KIAA0825: variants seen among roughly 807,000 people sequenced by gnomAD.
KIAA0825 encodes uncharacterized protein KIAA0825.
Under a neutral mutation model 147.6 loss-of-function variants are expected in KIAA0825, and 119 were observed. The ratio of observed to expected loss-of-function variants is 0.81; its 90% CI spans 0.69 to 0.94. KIAA0825 has a LOEUF of 0.94. KIAA0825 is among the 40% of genes least tolerant of loss of function. KIAA0825 has a pLI of 0.00. For synonymous variants in KIAA0825, 470 were observed against 518.1 expected, an observed-to-expected ratio of 0.91 and a Z score of 1.26; for missense variants, 1,381 against 1,472.7, an observed-to-expected ratio of 0.94 and a Z score of 1.02.
chr5:94,388,019 G>T (rs73773657), intron 18 of KIAA0825, among the ~76,000 whole-genome samples: 3 of 152,156 alleles, frequency 2.0e-5, no homozygotes, highest in Non-Finnish European at 4.4e-5. Flanking sequence ...GCAGCAGTCC[G>T]CAATCTTTTT....
chr5:94,551,975 A>C (rs1329556849), intron 2 of KIAA0825, among the ~76,000 whole-genome samples: 1 of 152,126 alleles, frequency 6.6e-6, no homozygotes, highest in Non-Finnish European at 1.5e-5. Context: ...CAATCAAAAA[A>C]TATAGAAATG....
rs892685062 is a variant in KIAA0825 at position 94,401,246 on chromosome 5, T to C, written c.2887+2323A>G. Among the ~76,000 whole-genome samples the C allele has an allele frequency of 7.3e-5, 11 of 151,620 alleles. No homozygotes were observed. In the East Asian group the frequency reaches 2.1e-3, roughly 29 times the overall value. ...TTCAGATAGTTTCCCCACAATTCTT[T>C]TTTTTTTTTGCCAAAGGTGATAAAA... On this transcript the variant is annotated intron_variant, in intron 16 of 20. Transcript: ENST00000682413.
At chr5:94,602,180 T>C (rs752866455) in intron 1 of KIAA0825, among the ~76,000 whole-genome samples, 1 of 152,128 alleles carries the variant, frequency 6.6e-6, no homozygotes, top group Non-Finnish European at 1.5e-5. Context: ...AAACCTCATC[T>C]CTATTAAAAA....
intron 19 of KIAA0825, among the ~76,000 whole-genome samples, chr5:94,385,826 A>G (rs1453794640): frequency 6.6e-6 from 1 of 152,210 alleles, no homozygotes; most frequent in African/African-American, 2.4e-5. Context: ...TCAGTGCTCT[A>G]TTTATAATTA....
chr5:94,518,420 C>G (rs1767594550), intron 5 of KIAA0825, among the ~76,000 whole-genome samples: 1 of 152,130 alleles, frequency 6.6e-6, no homozygotes, highest in South Asian at 2.1e-4. Context: ...AGACAGCCCA[C>G]TTGAACAGTG....
chr5:94,206,916 A>G (rs1284463214), intron 20 of KIAA0825, among the ~76,000 whole-genome samples: 2 of 152,198 alleles, frequency 1.3e-5, no homozygotes, highest in Non-Finnish European at 2.9e-5. Context: ...CGGAAGATCA[A>G]ATCAATTCTA....
At chr5:94,400,438 G>A (rs1751226305) in intron 16 of KIAA0825, among the ~76,000 whole-genome samples, 1 of 151,978 alleles carries the variant, frequency 6.6e-6, no homozygotes, top group South Asian at 2.1e-4. Context: ...GTGTATTTCT[G>A]TCATCAATTT....
intron 2 of KIAA0825, among the ~76,000 whole-genome samples, chr5:94,543,653 G>A (rs748768174): frequency 1.3e-5 from 2 of 152,076 alleles, no homozygotes; most frequent in African/African-American, 2.4e-5. Flanking sequence ...AAGAAGTTAT[G>A]GAAGATGGAT....
At chr5:94,232,445 C>T (rs553703523) in intron 20 of KIAA0825, among the ~76,000 whole-genome samples, 17 of 152,062 alleles carry the variant, frequency 1.1e-4, no homozygotes, top group South Asian at 6.2e-4. Context: ...TGTGGAACTT[C>T]ATTTTAGTTA....
intron 14 of KIAA0825, among the ~76,000 whole-genome samples, chr5:94,423,185 G>A (rs1163327833): frequency 2.0e-5 from 3 of 152,158 alleles, no homozygotes; most frequent in African/African-American, 4.8e-5. Context: ...GAGCTGGGGG[G>A]TTGGAGGGAT....
intron 20 of KIAA0825, among the ~76,000 whole-genome samples, chr5:94,330,068 C>A (rs1444860129): frequency 1.3e-5 from 2 of 152,004 alleles, no homozygotes; most frequent in Non-Finnish European, 2.9e-5. Flanking sequence ...GTGATGGACA[C>A]CCTCAGTATC....
intron 20 of KIAA0825, among the ~76,000 whole-genome samples, chr5:94,284,465 C>G (rs2150158008): frequency 6.6e-6 from 1 of 152,242 alleles, no homozygotes; most frequent in East Asian, 1.9e-4. Flanking sequence ...GCTGGCTCAG[C>G]CTGCACTAAT....
intron 14 of KIAA0825, among the ~76,000 whole-genome samples, chr5:94,426,630 C>A (rs903275884): frequency 1.3e-5 from 2 of 152,060 alleles, no homozygotes; most frequent in Non-Finnish European, 2.9e-5. Context: ...TAAGTTCTTG[C>A]GTTCAGCAAC....
chr5:94,213,482 A>G lies in KIAA0825; in HGVS notation c.3711-59358T>C, dbSNP rs192332161. Among the ~76,000 whole-genome samples the G allele has an allele frequency of 3.3e-5, 5 of 152,266 alleles. No individual in the cohort carries two copies. The East Asian group carries it at 9.7e-4, about 29-fold the overall frequency. ...GCTCTCTACAAAGCAATCTGATGAC[A>G]TTATTTTACTATCTAAAACCTTTCA... On this transcript the variant is annotated intron_variant, in intron 20 of 20. Transcript: ENST00000682413.
intron 3 of KIAA0825, among the ~76,000 whole-genome samples, chr5:94,535,686 C>G (rs1771862639): frequency 6.6e-6 from 1 of 152,070 alleles, no homozygotes; most frequent in African/African-American, 2.4e-5. Flanking sequence ...GGAGATAGCT[C>G]CCCAATCTCC....
intron 1 of KIAA0825, among the ~76,000 whole-genome samples, chr5:94,597,629 A>G (rs896476567): frequency 6.6e-6 from 1 of 152,166 alleles, no homozygotes; most frequent in African/African-American, 2.4e-5. Flanking sequence ...CATTCTGTAT[A>G]TAGTCATGTG....
At chr5:94,254,527 T>G (rs921420420) in intron 20 of KIAA0825, among the ~76,000 whole-genome samples, 3 of 152,162 alleles carry the variant, frequency 2.0e-5, no homozygotes, top group Non-Finnish European at 4.4e-5. Flanking sequence ...TTTGTGACAA[T>G]TGTACAAAAA....
At chr5:94,308,494 T>A (rs955915162) in intron 20 of KIAA0825, among the ~76,000 whole-genome samples, 1 of 151,718 alleles carries the variant, frequency 6.6e-6, no homozygotes, top group African/African-American at 2.4e-5. Context: ...CATGATCATA[T>A]TCAAAGCACA....
intron 2 of KIAA0825, among the ~76,000 whole-genome samples, chr5:94,566,901 T>G (rs1584912678): frequency 1.3e-5 from 2 of 152,310 alleles, no homozygotes; most frequent in East Asian, 3.9e-4. Context: ...TTTTTTGGCC[T>G]CCATGCAGAT....
Sources: allele counts gnomAD v4.1 joint callset (sites outside exome capture counted in the v4.1 genomes callset), GRCh38; gene constraint gnomAD v4.1.1; transcripts MANE v1.5; gene names NCBI Gene and HGNC (gene_info 2026-07-23, HGNC 2026-07-21).